Variants in TASP1 observed in about 807,000 individuals in gnomAD.
TASP1 encodes taspase 1.
Under a neutral mutation model 56.6 loss-of-function variants are expected in TASP1, and 16 were observed. The observed-to-expected ratio is 0.28, with a 90% CI of 0.19 to 0.43. TASP1 has a LOEUF of 0.43. Among genes scored for constraint, TASP1 ranks in the 20% least tolerant of loss-of-function variants. The pLI is 1.00. For missense variants in TASP1, 393 were observed against 511.6 expected (o/e 0.77, Z 2.24); for synonymous variants, 179 against 184.2 (o/e 0.97, Z 0.23).
At chr20:13,368,030 A>G in the TASP1 span, among the ~76,000 whole-genome samples, 1 of 152,336 alleles carries the variant, frequency 6.6e-6, no homozygotes, top group South Asian at 2.1e-4. Flanking sequence ...TGTGCCATAA[A>G]TATCTTTAAT....
intron 13 of TASP1, among the ~76,000 whole-genome samples, chr20:13,408,477 C>T: frequency 6.6e-6 from 1 of 152,098 alleles, no homozygotes; most frequent in Non-Finnish European, 1.5e-5. Context: ...TTCCTTGTAA[C>T]ATCTTTGTCA....
chr20:13,222,860 C>G, the TASP1 span, among the ~76,000 whole-genome samples: 1 of 152,190 alleles, frequency 6.6e-6, no homozygotes, highest in African/African-American at 2.4e-5. Flanking sequence ...AGGGGATTCT[C>G]TGGCTCCTAA....
intron 6 of TASP1, among the ~76,000 whole-genome samples, chr20:13,575,638 A>G (rs545339776): frequency 1.3e-5 from 2 of 152,274 alleles, no homozygotes; most frequent in African/African-American, 4.8e-5. Context: ...TAGCAGTATA[A>G]AAATGAGGTA....
the TASP1 span, among the ~76,000 whole-genome samples, chr20:13,333,472 T>C: frequency 2.0e-5 from 3 of 152,346 alleles, no homozygotes; most frequent in Non-Finnish European, 1.5e-5. Flanking sequence ...AGGTCAGTTA[T>C]GTCAAGGAAC....
chr20:13,319,040 T>G, the TASP1 span, among the ~76,000 whole-genome samples: 1 of 152,292 alleles, frequency 6.6e-6, no homozygotes, highest in East Asian at 1.9e-4. Context: ...GATGTGTCAA[T>G]GTAGGTTCAT....
intron 9 of TASP1, among the ~76,000 whole-genome samples, chr20:13,533,678 G>C (rs1211919988): frequency 3.9e-5 from 6 of 152,132 alleles, no homozygotes; most frequent in Non-Finnish European, 8.8e-5. Context: ...GTATAGTCAA[G>C]TAGAGCTTGT....
chr20:13,164,521 A>G, the TASP1 span: 1 of 563,864 alleles, frequency 1.8e-6, no homozygotes, highest in Middle Eastern at 4.0e-4. Context: ...AAAATAAAAT[A>G]AACATTCATA....
chr20:13,128,711 GAC>G, the TASP1 span, among the ~76,000 whole-genome samples: 1 of 151,890 alleles, frequency 6.6e-6, no homozygotes, highest in African/African-American at 2.4e-5. Context: ...TAAAATTTGA[GAC>G]AGAGTCTTGC....
chr20:13,392,048 T>C (rs2041310442), intron 13 of TASP1, among the ~76,000 whole-genome samples: 1 of 151,496 alleles, frequency 6.6e-6, no homozygotes, highest in African/African-American at 2.4e-5. Flanking sequence ...TGCAACAAAC[T>C]TGGATGTCAG....
the TASP1 span, among the ~76,000 whole-genome samples, chr20:13,148,534 G>A: frequency 6.6e-6 from 1 of 152,132 alleles, no homozygotes; most frequent in Non-Finnish European, 1.5e-5. Context: ...GAGCACTCAG[G>A]AACTGCTGGG....
At chr20:13,488,027 GC>G (rs144126067) in intron 10 of TASP1, among the ~76,000 whole-genome samples, 5,626 of 151,984 alleles carry the variant, frequency 0.037, 129 homozygotes, top group African/African-American at 0.057. Flanking sequence ...AAGAAACAGA[GC>G]CTAGAATGAT....
chr20:13,311,481 A>G, the TASP1 span, among the ~76,000 whole-genome samples: 2 of 152,220 alleles, frequency 1.3e-5, no homozygotes, highest in African/African-American at 2.4e-5. Context: ...AGATATCTGC[A>G]TCTTCATGTT....
chr20:13,234,639 T>C, the TASP1 span, among the ~76,000 whole-genome samples: 1 of 152,238 alleles, frequency 6.6e-6, no homozygotes, highest in Non-Finnish European at 1.5e-5. Flanking sequence ...TTTTTAACAA[T>C]AGCTATTCTG....
chr20:13,377,160 A>G, the TASP1 span, among the ~76,000 whole-genome samples: 1 of 152,088 alleles, frequency 6.6e-6, no homozygotes, highest in Non-Finnish European at 1.5e-5. Context: ...GCCAGTTTTC[A>G]GGGAATGTGT....
chr20:13,536,963 G>A (rs2045442038), intron 8 of TASP1, among the ~76,000 whole-genome samples: 1 of 152,020 alleles, frequency 6.6e-6, no homozygotes, highest in Non-Finnish European at 1.5e-5. Flanking sequence ...TTTATTTCTG[G>A]CGAGAATGCT....
chr20:13,525,419 T>C (rs1002980020), intron 10 of TASP1, among the ~76,000 whole-genome samples: 7 of 152,238 alleles, frequency 4.6e-5, no homozygotes, highest in African/African-American at 1.7e-4. Flanking sequence ...GGTCAGCTCC[T>C]GTTAATCCAC....
At chr20:13,295,969 A>G in the TASP1 span, among the ~76,000 whole-genome samples, 1 of 152,218 alleles carries the variant, frequency 6.6e-6, no homozygotes, top group Non-Finnish European at 1.5e-5. Flanking sequence ...ATGGCTCAGG[A>G]GCAACCTGGT....
the TASP1 span, among the ~76,000 whole-genome samples, chr20:13,151,889 C>A: frequency 3.3e-5 from 5 of 152,106 alleles, no homozygotes; most frequent in East Asian, 7.7e-4. Context: ...TAGACTCCAA[C>A]CTAGCGATAT....
chr20:13,369,317 A>C, the TASP1 span, among the ~76,000 whole-genome samples: 2 of 152,176 alleles, frequency 1.3e-5, no homozygotes, highest in East Asian at 3.9e-4. Context: ...GTGGTGGCAC[A>C]TGCCTATAAT....
Sources: gnomAD v4.1 joint callset for allele counts (sites outside exome capture counted in the v4.1 genomes callset) on GRCh38, gnomAD v4.1.1 for gene constraint, MANE v1.5 for transcripts, NCBI Gene and HGNC (gene_info 2026-07-23, HGNC 2026-07-21) for gene names.